CCSER1: variants seen among roughly 807,000 people sequenced by gnomAD.
CCSER1 encodes serine-rich coiled-coil domain-containing protein 1.
CCSER1 carries 41 observed loss-of-function variants against 82.0 expected under a neutral mutation model. The observed-to-expected ratio is 0.50, with a 90% CI of 0.39 to 0.65. The LOEUF is 0.65. Ranked by LOEUF, CCSER1 falls within the 30% of genes least tolerant of loss-of-function variation. The pLI is 0.00. For missense variants in CCSER1, 1,119 were observed against 1,064.2 expected (o/e 1.05, Z -0.72); for synonymous variants, 414 against 383.9 (o/e 1.08, Z -0.92).
At position 90,752,502 on chromosome 4, in the gene CCSER1, A is replaced by C. The variant is rs993433042; in HGVS notation, c.2010+28511A>C. On this transcript the variant is annotated intron_variant, in intron 7 of 10. Coordinates refer to ENST00000509176, the MANE Select transcript of CCSER1 (RefSeq NM_001145065.2). ...CTACATTTGAATCAGCTATGTAGGT[A>C]ATATTTACAATTTTATTATTACAAA... Among the ~76,000 whole-genome samples, 5 of 152,100 alleles carry C rather than the reference A, an allele frequency of 3.3e-5. No homozygotes were observed. The South Asian group carries it at 8.3e-4, about 25-fold the overall frequency.
chr4:90,685,067 A>G (rs377052422), intron 6 of CCSER1, among the ~76,000 whole-genome samples: 1 of 152,140 alleles, frequency 6.6e-6, no homozygotes, highest in African/African-American at 2.4e-5. Flanking sequence ...ATAATCTACT[A>G]TATAGCATAG....
At chr4:90,813,591 T>C (rs62309550) in intron 7 of CCSER1, among the ~76,000 whole-genome samples, 50,667 of 151,934 alleles carry the variant, frequency 0.33, 8,576 homozygotes, top group East Asian at 0.42. Context: ...TGTGCATAAG[T>C]CTCACAGATC....
intron 8 of CCSER1, among the ~76,000 whole-genome samples, chr4:90,855,804 G>T (rs888612379): frequency 6.6e-6 from 1 of 152,112 alleles, no homozygotes; most frequent in Non-Finnish European, 1.5e-5. Context: ...AAGAGGCTAT[G>T]TCTTTGGAAT....
chr4:90,658,189 T>C (rs1730075606), intron 6 of CCSER1, among the ~76,000 whole-genome samples: 1 of 152,140 alleles, frequency 6.6e-6, no homozygotes, highest in Non-Finnish European at 1.5e-5. Flanking sequence ...TTCCTTTTTA[T>C]TTATGTATTT....
intron 10 of CCSER1, among the ~76,000 whole-genome samples, chr4:91,172,766 A>G (rs1274470232): frequency 6.6e-6 from 1 of 152,314 alleles, no homozygotes; most frequent in East Asian, 1.9e-4. Flanking sequence ...TAAAATCTTT[A>G]TGTGACACAT....
intron 1 of CCSER1, among the ~76,000 whole-genome samples, chr4:90,128,516 T>TGTGTGTGC (rs994567297): frequency 1.6e-5 from 2 of 128,588 alleles, no homozygotes; most frequent in Admixed American, 7.5e-5. Flanking sequence ...TGTGTGTGTG[T>TGTGTGTGC]GCGCGCGCGC....
chr4:90,705,728 G>C (rs1320077084), intron 6 of CCSER1, among the ~76,000 whole-genome samples: 1 of 152,222 alleles, frequency 6.6e-6, no homozygotes, highest in African/African-American at 2.4e-5. Context: ...TCAGGCTGCT[G>C]TGCTAGCAAT....
intron 9 of CCSER1, among the ~76,000 whole-genome samples, chr4:91,051,651 G>A (rs1743015573): frequency 6.6e-6 from 1 of 152,094 alleles, no homozygotes; most frequent in African/African-American, 2.4e-5. Context: ...ATTGTGCTAG[G>A]ATAAAATGCA....
intron 7 of CCSER1, among the ~76,000 whole-genome samples, chr4:90,785,085 G>A (rs1310713868): frequency 1.3e-5 from 2 of 152,096 alleles, no homozygotes; most frequent in Non-Finnish European, 2.9e-5. Context: ...TTTTTGAGAT[G>A]GAGTGCAGTG....
intron 4 of CCSER1, among the ~76,000 whole-genome samples, chr4:90,419,209 CTTT>C (rs1756298321): frequency 6.6e-6 from 1 of 151,898 alleles, no homozygotes; most frequent in Middle Eastern, 3.2e-3. Flanking sequence ...TCAGTTGTCA[CTTT>C]GTGTGTTTCA....
intron 10 of CCSER1, among the ~76,000 whole-genome samples, chr4:91,435,294 T>A (rs945901204): frequency 6.6e-6 from 1 of 151,874 alleles, no homozygotes; most frequent in South Asian, 2.1e-4. Flanking sequence ...ATTTAAAAGT[T>A]AGCTGGGAGT....
At chr4:91,054,061 A>G (rs1460047253) in intron 9 of CCSER1, among the ~76,000 whole-genome samples, 8 of 152,172 alleles carry the variant, frequency 5.3e-5, no homozygotes, top group Non-Finnish European at 1.2e-4. Context: ...AAGTGGTATC[A>G]CTGGGTTATA....
At chr4:91,266,525 A>G (rs1039096918) in intron 10 of CCSER1, among the ~76,000 whole-genome samples, 1 of 152,062 alleles carries the variant, frequency 6.6e-6, no homozygotes, top group Non-Finnish European at 1.5e-5. Context: ...TGCTGGGATT[A>G]CAGACGTGAG....
intron 5 of CCSER1, among the ~76,000 whole-genome samples, chr4:90,571,953 GTACT>G (rs1246307998): frequency 1.3e-5 from 2 of 152,044 alleles, no homozygotes; most frequent in Non-Finnish European, 1.5e-5. Flanking sequence ...CTGAATTTGT[GTACT>G]TACTTGTACC....
Position 91,538,698 on chromosome 4 carries a change from C to CATATATTATATATATATATATATAATAT in CCSER1, c.2218-59868_2218-59867insTATATATATATATATATAATATATATAT. 1.2e-4 allele frequency among the ~76,000 whole-genome samples: 17 copies of CATATATTATATATATATATATATAATAT among 138,324 alleles called. 1 individual carries two copies. The highest frequency in any genetic ancestry group is 4.4e-4 in the Admixed American group (6 of 13,614). The allele number at this position is 138,324 out of a possible 152,430, so 90.7% of individuals were successfully genotyped here. A position where few individuals can be genotyped will look rare whatever the true frequency, so the allele number is the denominator to read the frequency against. On this transcript the variant is annotated intron_variant, in intron 10 of 10. Transcript: ENST00000509176. ...ATATATGATATATATTATATATACA[C>CATATATTATATATATATATATATAATAT]ATATATATATATAATATCTCAGTGC...
chr4:90,359,621 C>T lies in CCSER1; in HGVS notation c.1510-40415C>T, dbSNP rs547057841. Among the ~76,000 whole-genome samples the T allele has an allele frequency of 4.9e-3, 743 of 151,826 alleles. 8 individuals are homozygous for T. Among genetic ancestry groups the T allele is most frequent in the African/African-American group, 0.017 (711 of 41,394 alleles). On this transcript the variant is annotated intron_variant, in intron 3 of 10. Transcript: ENST00000509176. ...GGCGTGATGGTGGGCACCTGTAATC[C>T]CAGCTACTTGGGAGGCTAAGGCAGA... is the stretch of plus-strand genomic sequence containing the variant.
At chr4:90,773,778 A>T (rs529842742) in intron 7 of CCSER1, among the ~76,000 whole-genome samples, 1 of 152,316 alleles carries the variant, frequency 6.6e-6, no homozygotes, top group Non-Finnish European at 1.5e-5. Flanking sequence ...CAATAACATT[A>T]TTTCTGTAAT....
chr4:91,506,520 A>G (rs1263867853), intron 10 of CCSER1, among the ~76,000 whole-genome samples: 1 of 152,152 alleles, frequency 6.6e-6, no homozygotes, highest in Non-Finnish European at 1.5e-5. Context: ...AATAGCATTT[A>G]ATCTATAAAT....
intron 3 of CCSER1, among the ~76,000 whole-genome samples, chr4:90,339,946 G>A (rs1419876853): frequency 2.6e-5 from 4 of 151,014 alleles, no homozygotes; most frequent in African/African-American, 9.7e-5. Context: ...CCTAGAACAG[G>A]GCATCAAACA....
Sources: allele counts gnomAD v4.1 joint callset (sites outside exome capture counted in the v4.1 genomes callset), GRCh38; gene constraint gnomAD v4.1.1; transcripts MANE v1.5; gene names NCBI Gene and HGNC (gene_info 2026-07-23, HGNC 2026-07-21).